NUP210L: variants seen among roughly 807,000 people sequenced by gnomAD.
NUP210L encodes the protein nucleoporin 210 like.
A neutral mutation model predicts 208.5 loss-of-function variants in NUP210L; 74 were observed. That is an observed-to-expected ratio of 0.35 (90% CI 0.29 to 0.43). The LOEUF (loss-of-function observed/expected upper bound fraction) is 0.43, where lower values mean the gene tolerates loss of function less well. Ranked by LOEUF, NUP210L falls within the 20% of genes least tolerant of loss-of-function variation. The probability of loss-of-function intolerance (pLI) is 1.00; values close to 1 mark genes in which losing one functional copy is unlikely to be tolerated. For missense variants in NUP210L, 1,843 were observed against 2,289.4 expected, an observed-to-expected ratio of 0.81 and a Z score of 3.98; for synonymous variants, 780 against 816.9, an observed-to-expected ratio of 0.95 and a Z score of 0.77.
intron 34 of NUP210L, among the ~76,000 whole-genome samples, chr1:154,010,700 G>A (rs904480294): frequency 1.3e-5 from 2 of 151,690 alleles, no homozygotes; most frequent in African/African-American, 4.9e-5. Context: ...GAGAAACCCC[G>A]TCTCTACTAA....
chr1:153,997,107 G>A (rs1649932485), intron 37 of NUP210L, among the ~76,000 whole-genome samples: 1 of 151,900 alleles, frequency 6.6e-6, no homozygotes, highest in African/African-American at 2.4e-5. Context: ...GGGATTACAG[G>A]GGCCCGCCAC....
exon 3 of NUP210L, chr1:154,143,506 G>A (rs1336301673): frequency 1.2e-5 from 19 of 1,613,768 alleles, no homozygotes; most frequent in Admixed American, 1.7e-5. Context: ...TAAAGTTCCC[G>A]GGCCCGAGAT....
chr1:154,154,651 T>C (rs112046556), intron 1 of NUP210L, among the ~76,000 whole-genome samples, 191 bp downstream of exon 1: 114 of 152,188 alleles, frequency 7.5e-4, no homozygotes, highest in African/African-American at 2.1e-3. Flanking sequence ...ATATACCACA[T>C]GAGTAGGACA....
Position 154,057,541 on chromosome 1 carries a change from T to C in NUP210L, c.3107+548A>G, listed in dbSNP as rs1653930885. On this transcript the variant is annotated intron_variant, in intron 22 of 39. Coordinates refer to ENST00000368559, the Ensembl canonical transcript of NUP210L. ...GAATTTCTCCTTTCTCAGAGGGGAA[T>C]ACCAGTATGTCTGCCTCTAAATATA... 2.0e-5 allele frequency among the ~76,000 whole-genome samples: 3 copies of C among 152,188 alleles called. No individual in the cohort carries two copies. The South Asian group carries it at 6.2e-4, about 32-fold the overall frequency.
intron 37 of NUP210L, among the ~76,000 whole-genome samples, chr1:153,999,703 C>A (rs990637195): frequency 7.6e-6 from 1 of 131,172 alleles, no homozygotes; most frequent in African/African-American, 2.9e-5. Context: ...CGACATTGCA[C>A]TCCAGCCTGG....
At chr1:154,111,032 G>A (rs1013876533) in intron 12 of NUP210L, among the ~76,000 whole-genome samples, 2 of 149,076 alleles carry the variant, frequency 1.3e-5, no homozygotes, top group African/African-American at 5.0e-5. Flanking sequence ...AAACAAAATC[G>A]ACAAACCTTT....
intron 7 of NUP210L, among the ~76,000 whole-genome samples, chr1:154,133,537 TA>T (rs144993679): frequency 6.6e-3 from 858 of 130,400 alleles, no homozygotes; most frequent in Middle Eastern, 7.9e-3. Context: ...ACTCTATCTC[TA>T]AAAAAAAAAA....
intron 16 of NUP210L, among the ~76,000 whole-genome samples, chr1:154,075,114 A>G (rs900088805): frequency 9.8e-5 from 15 of 152,324 alleles, no homozygotes; most frequent in Admixed American, 8.5e-4. Flanking sequence ...GCTGGAATCA[A>G]CTAGTTCTCC....
At chr1:154,136,430 C>T (rs577036731) in intron 6 of NUP210L, among the ~76,000 whole-genome samples, 137 of 150,578 alleles carry the variant, frequency 9.1e-4, no homozygotes, top group African/African-American at 3.2e-3. Context: ...CTAGCCTGGG[C>T]GACAAAGCAT....
intron 20 of NUP210L, 45 bp downstream of exon 20, chr1:154,060,495 G>C: frequency 3.3e-6 from 4 of 1,200,412 alleles, no homozygotes; most frequent in Non-Finnish European, 4.9e-6. Flanking sequence ...CTCAGAATGA[G>C]CTTTGGCCTG....
At position 154,101,472 on chromosome 1, in the gene NUP210L, A is replaced by AAAAC. The variant is rs537399321; in HGVS notation, c.1820-1333_1820-1330dup. On this transcript the variant is annotated intron_variant, in intron 13 of 39. Transcript: ENST00000368559. Reference sequence around the variant, plus strand: ...GCCTGGTGACAGAGTGACACTGTTAAAAACAAACAAACAAACAAACAAAAC... The same window carrying AAAAC: ...GCCTGGTGACAGAGTGACACTGTTAAAAACAAACAAACAAACAAACAAACAAAAC... Among the ~76,000 whole-genome samples the AAAAC allele has an allele frequency of 2.2e-4, 33 of 152,238 alleles. No individual in the cohort carries two copies. In the East Asian group the frequency reaches 4.3e-3, roughly 20 times the overall value.
intron 16 of NUP210L, among the ~76,000 whole-genome samples, chr1:154,075,065 G>A (rs770720171): frequency 1.3e-4 from 20 of 152,174 alleles, no homozygotes; most frequent in Admixed American, 2.6e-4. Flanking sequence ...GCTTTCTAAC[G>A]CAAGTTGTTT....
chr1:154,013,015 A>AAAC (rs1240811098), intron 33 of NUP210L, among the ~76,000 whole-genome samples: 3 of 149,440 alleles, frequency 2.0e-5, no homozygotes, highest in East Asian at 2.0e-4. Context: ...TCAAAAAAAA[A>AAAC]AAAAAAAAAC....
intron 12 of NUP210L, among the ~76,000 whole-genome samples, chr1:154,116,898 GTTAA>G (rs1243987242): frequency 6.6e-6 from 1 of 152,018 alleles, no homozygotes; most frequent in Non-Finnish European, 1.5e-5. Flanking sequence ...AAAAGTTAAC[GTTAA>G]TTAAATATTA....
intron 14 of NUP210L, among the ~76,000 whole-genome samples, 155 bp downstream of exon 14, chr1:154,099,843 G>C (rs566952937): frequency 1.1e-3 from 167 of 152,330 alleles, no homozygotes; most frequent in Non-Finnish European, 2.1e-3. Flanking sequence ...GGTTTGAGGA[G>C]AGAGCTGTAG....
chr1:154,149,837 A>C (rs1052825070), intron 2 of NUP210L, among the ~76,000 whole-genome samples: 1 of 152,262 alleles, frequency 6.6e-6, no homozygotes, highest in African/African-American at 2.4e-5. Flanking sequence ...ATTAAATAAT[A>C]TAACAGATAT....
intron 15 of NUP210L, among the ~76,000 whole-genome samples, chr1:154,091,227 C>G (rs1237571445): frequency 1.3e-5 from 2 of 151,436 alleles, no homozygotes; most frequent in Non-Finnish European, 2.9e-5. Flanking sequence ...TCCTGAGTAG[C>G]TAAGACTACA....
At chr1:154,123,221 C>A (rs1657705681) in intron 10 of NUP210L, among the ~76,000 whole-genome samples, 1 of 152,188 alleles carries the variant, frequency 6.6e-6, no homozygotes, top group Admixed American at 6.5e-5. Context: ...CCTCGGCTCA[C>A]TGCAACCTCC....
intron 36 of NUP210L, 74 bp downstream of exon 36, chr1:154,001,661 C>T (rs557079495): frequency 2.5e-5 from 38 of 1,503,978 alleles, no homozygotes; most frequent in Non-Finnish European, 3.3e-5. Context: ...TTCTTTTGCC[C>T]TTGAAGTGAG....
Sources: allele counts gnomAD v4.1 joint callset (sites outside exome capture counted in the v4.1 genomes callset), GRCh38; gene constraint gnomAD v4.1.1; transcripts MANE v1.5; gene names NCBI Gene and HGNC (gene_info 2026-07-23, HGNC 2026-07-21).